CADPS: variants seen among roughly 807,000 people sequenced by gnomAD.
CADPS encodes the protein calcium-dependent secretion activator 1.
CADPS carries 57 observed loss-of-function variants against 167.3 expected under a neutral mutation model. The ratio of observed to expected loss-of-function variants is 0.34; its 90% CI spans 0.28 to 0.42. The LOEUF (loss-of-function observed/expected upper bound fraction) is 0.42. CADPS is among the 20% of genes least tolerant of loss of function. The pLI, the probability that CADPS is intolerant of heterozygous loss-of-function variation, is 1.00. For missense variants in CADPS, 1,414 were observed against 1,738.1 expected, an observed-to-expected ratio of 0.81 and a Z score of 3.32; for synonymous variants, 676 against 635.3, an observed-to-expected ratio of 1.06 and a Z score of -0.96.
At chr3:62,471,638 G>C (rs1477238613) in intron 24 of CADPS, among the ~76,000 whole-genome samples, 1 of 152,088 alleles carries the variant, frequency 6.6e-6, no homozygotes, top group African/African-American at 2.4e-5. Flanking sequence ...AAGCTGGGGA[G>C]GGACTGCAAA....
chr3:62,752,723 T>G (rs138433156), intron 3 of CADPS, among the ~76,000 whole-genome samples: 2 of 152,224 alleles, frequency 1.3e-5, no homozygotes, highest in African/African-American at 4.8e-5. Context: ...TCTCTAGGGC[T>G]AGCAGCTGGG....
chr3:62,512,596 T>C (rs569033531), intron 17 of CADPS, among the ~76,000 whole-genome samples, 155 bp downstream of exon 17: 54 of 152,292 alleles, frequency 3.5e-4, no homozygotes, highest in African/African-American at 1.3e-3. Flanking sequence ...GCATGAGATG[T>C]ATTTAGACAG....
At chr3:62,700,071 A>T (rs1187527072) in intron 3 of CADPS, among the ~76,000 whole-genome samples, 1 of 152,088 alleles carries the variant, frequency 6.6e-6, no homozygotes, top group Admixed American at 6.6e-5. Flanking sequence ...CTCTATCTCT[A>T]CCATGCTATG....
intron 11 of CADPS, among the ~76,000 whole-genome samples, chr3:62,547,173 C>T (rs2076578295): frequency 6.6e-6 from 1 of 152,144 alleles, no homozygotes; most frequent in Non-Finnish European, 1.5e-5. Context: ...AGTGTTGAAG[C>T]TCTGTTGCAG....
In CADPS at chr3:62,514,799, A is replaced by G. The variant is rs115317684; in HGVS notation, c.2581+1260T>C. Among the ~76,000 whole-genome samples the G allele has an allele frequency of 5.8e-3, 881 of 152,268 alleles. 4 individuals carry two copies. Among genetic ancestry groups the G allele is most frequent in the African/African-American group, 0.021 (855 of 41,558 alleles). On this transcript the variant is annotated intron_variant, in intron 16 of 29. Coordinates refer to ENST00000383710, the MANE Select transcript of CADPS (RefSeq NM_003716.4). The surrounding 1 kb of genome is among the most constrained non-coding windows in gnomAD (Gnocchi z 4.2). ...AGGTACCTGGCTGACTTTACCAAAT[A>G]CAACCAATCATTACGTCCTGGGACA...
rs1280876995 is a variant in CADPS, at chr3:62,516,587, A to G, written c.2450T>C (p.Leu817Ser). The change falls in exon 15 of 30, where the codon TTG becomes TCG. Residue 817 changes from leucine to serine, a missense_variant. This residue lies in a region of CADPS where 529 missense variants were observed against 629.6 expected (regional missense o/e 0.84). Coordinates refer to ENST00000383710, the MANE Select transcript of CADPS (RefSeq NM_003716.4). ...TTTTACTTTCATTCTTACCCTTTCC[A>G]AGAGTGAGAGAGTAGCTTTCAAAGC... ...EGALKATLSL[L>S]ERVLMKDIVT... The G allele has an allele frequency of 6.2e-7, 1 of 1,604,106 alleles. No individual in the cohort carries two copies. The highest frequency in any genetic ancestry group is 8.5e-7 in the Non-Finnish European group (1 of 1,173,132).
intron 6 of CADPS, among the ~76,000 whole-genome samples, chr3:62,597,989 C>G (rs193018925): frequency 6.6e-6 from 1 of 152,232 alleles, no homozygotes; most frequent in Admixed American, 6.5e-5. Flanking sequence ...AAACAGCAAA[C>G]TCCAAAACTC....
intron 1 of CADPS, among the ~76,000 whole-genome samples, chr3:62,838,138 T>C (rs1185884920): frequency 6.6e-6 from 1 of 152,190 alleles, no homozygotes; most frequent in African/African-American, 2.4e-5. Context: ...AAGATGTGGC[T>C]ACTTGTGGGG....
At chr3:62,715,292 C>T (rs2084233998) in intron 3 of CADPS, among the ~76,000 whole-genome samples, 3 of 151,994 alleles carry the variant, frequency 2.0e-5, no homozygotes, top group Admixed American at 2.0e-4. Context: ...GAGGTGCCCA[C>T]CACCACTCCC....
intron 8 of CADPS, among the ~76,000 whole-genome samples, chr3:62,584,484 T>G (rs1432708162): frequency 6.6e-6 from 1 of 152,192 alleles, no homozygotes; most frequent in Non-Finnish European, 1.5e-5. Context: ...CTACTAAACT[T>G]TCCCTTTTCA....
At chr3:62,715,617 A>T (rs2084369565) in intron 3 of CADPS, among the ~76,000 whole-genome samples, 1 of 151,512 alleles carries the variant, frequency 6.6e-6, no homozygotes, top group Admixed American at 6.6e-5. Context: ...CATTTCCCTT[A>T]GTTATTTAAA....
intron 10 of CADPS, among the ~76,000 whole-genome samples, chr3:62,556,135 G>A (rs1474930632): frequency 6.6e-6 from 1 of 152,186 alleles, no homozygotes. Context: ...ATCACAGAAT[G>A]TCCTAAGGAC....
intron 1 of CADPS, among the ~76,000 whole-genome samples, chr3:62,860,127 C>G (rs968859393): frequency 4.6e-5 from 7 of 152,204 alleles, no homozygotes; most frequent in African/African-American, 2.4e-5. Flanking sequence ...TTTTGCTTGG[C>G]TTCTGTCTTT....
intron 7 of CADPS, among the ~76,000 whole-genome samples, chr3:62,592,406 C>T (rs2148810896): frequency 6.6e-6 from 1 of 152,258 alleles, no homozygotes; most frequent in Non-Finnish European, 1.5e-5. Context: ...GCTCTATCTC[C>T]TGTAGGGCAC....
At chr3:62,645,468 G>A (rs908881154) in intron 6 of CADPS, among the ~76,000 whole-genome samples, 6 of 152,116 alleles carry the variant, frequency 3.9e-5, no homozygotes, top group African/African-American at 1.4e-4. Context: ...CTAATCTCTC[G>A]AGGGTGAATA....
At chr3:62,685,474 C>A (rs1282598410) in intron 3 of CADPS, among the ~76,000 whole-genome samples, 1 of 151,902 alleles carries the variant, frequency 6.6e-6, no homozygotes, top group Admixed American at 6.6e-5. Flanking sequence ...TAAAAACAGA[C>A]TAATCCTAAC....
At chr3:62,847,434 C>A (rs1253556179) in intron 1 of CADPS, among the ~76,000 whole-genome samples, 3 of 89,422 alleles carry the variant, frequency 3.4e-5, no homozygotes, top group Non-Finnish European at 6.8e-5. Flanking sequence ...CCCCCTCCCC[C>A]CACCCCACCA....
intron 24 of CADPS, among the ~76,000 whole-genome samples, chr3:62,472,115 T>G (rs1167824340): frequency 4.6e-5 from 7 of 152,196 alleles, no homozygotes; most frequent in Non-Finnish European, 1.5e-5. Context: ...GGCCACATAT[T>G]GTATGATTTT....
At chr3:62,451,436 A>T (rs753359085) in intron 26 of CADPS, among the ~76,000 whole-genome samples, 10 of 151,986 alleles carry the variant, frequency 6.6e-5, no homozygotes, top group Non-Finnish European at 1.5e-4. Flanking sequence ...GCAGACCACG[A>T]GGACCTCAGG....
Sources: allele counts gnomAD v4.1 joint callset (sites outside exome capture counted in the v4.1 genomes callset), GRCh38; gene constraint gnomAD v4.1.1; regional missense constraint gnomAD v4.1.1; non-coding constraint Gnocchi (gnomAD v3.1); transcripts MANE v1.5; gene names NCBI Gene and HGNC (gene_info 2026-07-23, HGNC 2026-07-21).